Variants in INTS13 observed in about 807,000 individuals in gnomAD.
INTS13 encodes the protein integrator complex subunit 13.
INTS13 carries 35 observed loss-of-function variants against 90.2 expected under a neutral mutation model. The ratio of observed to expected loss-of-function variants is 0.39; its 90% CI spans 0.30 to 0.51. INTS13 has a LOEUF of 0.51. Among genes scored for constraint, INTS13 ranks in the 20% least tolerant of loss-of-function variants. The pLI, the probability that INTS13 is intolerant of heterozygous loss-of-function variation, is 0.80. For synonymous variants in INTS13, 309 were observed against 277.1 expected (o/e 1.11, Z -1.14); for missense variants, 601 against 851.2 (o/e 0.71, Z 3.66).
chr12:26,919,224 T>G (rs1952035570), intron 8 of INTS13, among the ~76,000 whole-genome samples: 1 of 151,684 alleles, frequency 6.6e-6, no homozygotes. Flanking sequence ...GAAAGACTAT[T>G]CAGGCAAAAG....
At chr12:26,906,180 G>A in intron 16 of INTS13, 122 bp downstream of exon 16, 2 of 929,178 alleles carry the variant, frequency 2.2e-6, no homozygotes, top group Non-Finnish European at 3.2e-6. Flanking sequence ...TGCTTATGGG[G>A]AACATGTATT....
At chr12:26,934,443 T>C (rs1175035652) in intron 3 of INTS13, 113 bp downstream of exon 3, 2 of 780,150 alleles carry the variant, frequency 2.6e-6, no homozygotes, top group African/African-American at 1.7e-5. Flanking sequence ...TGACTTGGCA[T>C]TTTAACACTA....
intron 13 of INTS13, 75 bp from the exon 14 acceptor site, chr12:26,913,762 A>G: frequency 7.5e-7 from 1 of 1,332,848 alleles, no homozygotes; most frequent in Non-Finnish European, 1.0e-6. Flanking sequence ...AAAAACAAAT[A>G]ATGAAATGTG....
intron 3 of INTS13, among the ~76,000 whole-genome samples, chr12:26,933,526 A>T (rs1213775824): frequency 3.3e-5 from 5 of 152,190 alleles, no homozygotes; most frequent in African/African-American, 1.2e-4. Flanking sequence ...TATTTCCAAC[A>T]CGGAATTTCT....
In INTS13 at chr12:26,914,144, T is replaced by A; in HGVS notation, c.1420-16A>T. On this transcript the variant is annotated splice_polypyrimidine_tract_variant and intron_variant, in intron 12 of 16. Coordinates refer to ENST00000261191, the MANE Select transcript of INTS13 (RefSeq NM_018164.3). ...ATGGAACTACCTGTTAGATTTTTTT[T>A]AAAGAAAAAAGAAAATCTGTCTTGA... is the stretch of plus-strand genomic sequence containing the variant. 1 of 1,549,442 alleles carries A rather than the reference T, an allele frequency of 6.5e-7. No individual in the cohort carries two copies. The highest frequency in any genetic ancestry group is 8.7e-7 in the Non-Finnish European group (1 of 1,155,914).
At chr12:26,936,853 T>G in intron 1 of INTS13, 39 bp from the exon 2 acceptor site, 1 of 1,305,904 alleles carries the variant, frequency 7.7e-7, no homozygotes, top group Non-Finnish European at 1.1e-6. Context: ...TATTTGTACA[T>G]AACATCTTAC....
chr12:26,929,683 G>GGA (rs1457101293), intron 3 of INTS13, among the ~76,000 whole-genome samples: 1 of 151,618 alleles, frequency 6.6e-6, no homozygotes, highest in Non-Finnish European at 1.5e-5. Context: ...ACTGAACTCT[G>GGA]GCCTAGGTGA....
intron 15 of INTS13, among the ~76,000 whole-genome samples, chr12:26,909,317 T>C (rs1951705677): frequency 6.6e-6 from 1 of 152,134 alleles, no homozygotes; most frequent in Non-Finnish European, 1.5e-5. Context: ...GCTGAGATCG[T>C]GCCATTGCAC....
At chr12:26,913,922 A>G in intron 13 of INTS13, 52 bp downstream of exon 13, 7 of 1,494,288 alleles carry the variant, frequency 4.7e-6, no homozygotes, top group Non-Finnish European at 5.5e-6. Flanking sequence ...TTGAGAAACA[A>G]TATGTATCAA....
At chr12:26,919,886 T>A (rs754089281) in intron 8 of INTS13, among the ~76,000 whole-genome samples, 1 of 151,972 alleles carries the variant, frequency 6.6e-6, no homozygotes, top group Non-Finnish European at 1.5e-5. Context: ...TCCCAGCACT[T>A]TGGGAGGCTG....
intron 5 of INTS13, among the ~76,000 whole-genome samples, chr12:26,926,916 A>G (rs543406143): frequency 4.0e-4 from 61 of 152,340 alleles, no homozygotes; most frequent in African/African-American, 1.3e-3. Flanking sequence ...GCTATCCTCC[A>G]GAGAGGGGAC....
intron 5 of INTS13, among the ~76,000 whole-genome samples, chr12:26,927,575 G>A (rs1937949451): frequency 6.6e-6 from 1 of 152,056 alleles, no homozygotes; most frequent in African/African-American, 2.4e-5. Flanking sequence ...CTAACAACTT[G>A]CACATTTAAC....
chr12:26,909,178 T>TGG (rs758948778), intron 15 of INTS13, among the ~76,000 whole-genome samples: 12 of 152,130 alleles, frequency 7.9e-5, no homozygotes, highest in Non-Finnish European at 1.5e-4. Flanking sequence ...CTGACCAACA[T>TGG]GGTGAAACCC....
Position 26,905,486 on chromosome 12 carries a change from C to G in INTS13, c.*11G>C. 1.2e-6 allele frequency: 2 copies of G among 1,609,256 alleles called. No homozygotes were observed. The highest frequency in any genetic ancestry group is 1.7e-6 in the Non-Finnish European group (2 of 1,178,212). On this transcript the variant is annotated 3_prime_UTR_variant, in exon 17 of 17. Coordinates refer to ENST00000261191, the MANE Select transcript of INTS13 (RefSeq NM_018164.3). ...TTGCAATATGCTAAATTTAGTTCTT[C>G]AAGTCACTCTTCACTGCCGGCTGGC...
chr12:26,934,631 C>T lies in INTS13; in HGVS notation c.226-1G>A. 1 of 1,609,592 alleles carries T rather than the reference C, an allele frequency of 6.2e-7. No homozygotes were observed. The highest frequency in any genetic ancestry group is 8.5e-7 in the Non-Finnish European group (1 of 1,176,616). Reference sequence around the variant, plus strand: ...CAGAGTCACTCACAATAAAATTCACCTAATAGATTCCAAAGAAACAATTAG... The same window carrying T: ...CAGAGTCACTCACAATAAAATTCACTTAATAGATTCCAAAGAAACAATTAG... On this transcript the variant is annotated splice_acceptor_variant, in intron 2 of 16. Coordinates refer to ENST00000261191, the MANE Select transcript of INTS13 (RefSeq NM_018164.3). LOFTEE classifies it high-confidence loss of function.
chr12:26,912,207 G>A (rs1204246916), intron 14 of INTS13, among the ~76,000 whole-genome samples: 1 of 152,134 alleles, frequency 6.6e-6, no homozygotes. Flanking sequence ...AGACCAAGAT[G>A]GGCAGATCGC....
At chr12:26,937,423 C>T (rs1938527565) in intron 1 of INTS13, among the ~76,000 whole-genome samples, 1 of 152,200 alleles carries the variant, frequency 6.6e-6, no homozygotes, top group Non-Finnish European at 1.5e-5. Context: ...TGAAACATCA[C>T]AGTAATTTAC....
chr12:26,919,086 T>A (rs1952028820), intron 8 of INTS13: 1 of 368,196 alleles, frequency 2.7e-6, no homozygotes, highest in African/African-American at 2.1e-5. Context: ...GGACTGCTTG[T>A]AGCCCGAGGG....
At chr12:26,934,263 G>A (rs1000146923) in intron 3 of INTS13, among the ~76,000 whole-genome samples, 19 of 152,054 alleles carry the variant, frequency 1.2e-4, no homozygotes, top group South Asian at 2.1e-4. Flanking sequence ...GCAAGACTCC[G>A]TCTCAAAATA....
Sources: gnomAD v4.1 joint callset for allele counts (sites outside exome capture counted in the v4.1 genomes callset) on GRCh38, gnomAD v4.1.1 for gene constraint, MANE v1.5 for transcripts, NCBI Gene and HGNC (gene_info 2026-07-23, HGNC 2026-07-21) for gene names.